NF1: variants seen among roughly 807,000 people sequenced by gnomAD.
NF1 encodes neurofibromin.
In NF1, 122 loss-of-function variants were observed where a neutral mutation model predicts 325.7. The observed-to-expected ratio is 0.37, with a 90% CI of 0.32 to 0.44. The LOEUF (loss-of-function observed/expected upper bound fraction) is 0.44. NF1 is among the 20% of genes least tolerant of loss of function. The pLI is 1.00. For missense variants in NF1, 2,140 were observed against 3,415.4 expected, an observed-to-expected ratio of 0.63 and a Z score of 9.31; for synonymous variants, 1,091 against 1,186.0, an observed-to-expected ratio of 0.92 and a Z score of 1.65.
chr17:31,356,418 C>G, intron 51 of NF1, 42 bp from the exon 52 acceptor site: 1 of 1,598,454 alleles, frequency 6.3e-7, no homozygotes, highest in Admixed American at 1.7e-5. Context: ...TTTATAGACA[C>G]TGTAGTTAAT....
intron 1 of NF1, among the ~76,000 whole-genome samples, chr17:31,114,323 G>A (rs1913700732): frequency 6.6e-6 from 1 of 152,022 alleles, no homozygotes; most frequent in Non-Finnish European, 1.5e-5. Flanking sequence ...TGGATCACGA[G>A]GTCAGGAGAT....
intron 37 of NF1, 75 bp downstream of exon 37, chr17:31,326,327 G>C (rs2069341136): frequency 3.5e-6 from 5 of 1,419,828 alleles, no homozygotes; most frequent in Non-Finnish European, 4.9e-6. Flanking sequence ...GGCCTCCCTA[G>C]GTGTCCTACC....
chr17:31,243,367 C>G (rs2067337346), intron 29 of NF1, among the ~76,000 whole-genome samples: 1 of 151,568 alleles, frequency 6.6e-6, no homozygotes, highest in Non-Finnish European at 1.5e-5. Context: ...CAGCAGGTAG[C>G]AAACCCAGCC....
At chr17:31,097,839 G>A (rs893986565) in intron 1 of NF1, among the ~76,000 whole-genome samples, 3 of 152,046 alleles carry the variant, frequency 2.0e-5, no homozygotes, top group Non-Finnish European at 4.4e-5. Context: ...TGGGATTACA[G>A]GTGTGCACCA....
At chr17:31,180,940 T>C (rs950102430) in intron 5 of NF1, among the ~76,000 whole-genome samples, 16 of 152,152 alleles carry the variant, frequency 1.1e-4, no homozygotes, top group African/African-American at 3.6e-4. Context: ...CAAGCATTCC[T>C]ATACACCAAT....
At chr17:31,128,065 C>T (rs536884863) in intron 1 of NF1, among the ~76,000 whole-genome samples, 23 of 151,958 alleles carry the variant, frequency 1.5e-4, no homozygotes, top group South Asian at 6.2e-4. Flanking sequence ...CCTCAGCCTC[C>T]CGAGTAGCTG....
chr17:31,327,917 A>C (rs1597832596), intron 38 of NF1, 78 bp downstream of exon 38: 20 of 1,318,750 alleles, frequency 1.5e-5, no homozygotes. Context: ...GAATTTTAAA[A>C]CAGCCTCTAC....
intron 36 of NF1, among the ~76,000 whole-genome samples, chr17:31,299,274 A>G (rs886555905): frequency 7.3e-5 from 9 of 123,214 alleles, no homozygotes; most frequent in Non-Finnish European, 1.4e-4. Context: ...AACTTAAAGT[A>G]TAATAAAAAT....
At chr17:31,326,523 C>G (rs1288661559) in intron 37 of NF1, among the ~76,000 whole-genome samples, 2 of 152,224 alleles carry the variant, frequency 1.3e-5, no homozygotes, top group East Asian at 3.9e-4. Context: ...TGGTGGGCAC[C>G]TGTAATCTCA....
chr17:31,130,890 T>G (rs1476796387), intron 1 of NF1, among the ~76,000 whole-genome samples: 1 of 152,120 alleles, frequency 6.6e-6, no homozygotes, highest in African/African-American at 2.4e-5. Context: ...GAGGAGGGTA[T>G]TGGCAGGCTC....
chr17:31,116,929 G>A (rs143964112), intron 1 of NF1, among the ~76,000 whole-genome samples: 382 of 150,966 alleles, frequency 2.5e-3, no homozygotes, highest in African/African-American at 8.9e-3. Flanking sequence ...CACCTTCCTC[G>A]GCCTCCCAAA....
intron 30 of NF1, chr17:31,252,582 C>A: frequency 3.9e-6 from 1 of 258,654 alleles, no homozygotes; most frequent in Non-Finnish European, 7.5e-6. Context: ...AGTGTGTGAT[C>A]TACTTGTAAT....
chr17:31,351,731 TA>T (rs2070149873), intron 50 of NF1, among the ~76,000 whole-genome samples: 1 of 152,232 alleles, frequency 6.6e-6, no homozygotes, highest in African/African-American at 2.4e-5. Context: ...AAACATATTT[TA>T]AAACATCATG....
At chr17:31,189,871 C>T (rs928861296) in intron 8 of NF1, among the ~76,000 whole-genome samples, 1 of 150,280 alleles carries the variant, frequency 6.7e-6, no homozygotes, top group Admixed American at 6.7e-5. Context: ...AAGCGATTCT[C>T]CTGCCTCAGC....
Position 31,235,660 on chromosome 17 carries a change from TC to T in NF1, c.3759del (p.Tyr1254ThrfsTer12). The T allele has an allele frequency of 6.2e-7, 1 of 1,614,190 alleles. No homozygotes were observed. The highest frequency in any genetic ancestry group is 1.3e-5 in the African/African-American group (1 of 75,050). ...ACTCTGTTTGATTCTCGGCATTTACTCTACCAACTGCTCTGGAACATGTTTT... is the reference window on the plus strand; with the variant it reads ...ACTCTGTTTGATTCTCGGCATTTACTTACCAACTGCTCTGGAACATGTTTT... ...LVTLFDSRHL[L>X]YQLLWNMFSK... On this transcript the variant is annotated frameshift_variant, in exon 28 of 58. Coordinates refer to ENST00000358273, the MANE Select transcript of NF1 (RefSeq NM_001042492.3). LOFTEE classifies it high-confidence loss of function.
chr17:31,218,630 G>A (rs1245347915), intron 13 of NF1, among the ~76,000 whole-genome samples: 1 of 151,298 alleles, frequency 6.6e-6, no homozygotes, highest in Non-Finnish European at 1.5e-5. Context: ...GGAGTGCAGC[G>A]GTGCAATCTT....
chr17:31,272,276 T>G (rs745875255), intron 36 of NF1: 2 of 152,198 alleles, frequency 1.3e-5, no homozygotes, highest in Non-Finnish European at 2.9e-5. Flanking sequence ...AGCAAAAATA[T>G]TACATAGAAA....
intron 25 of NF1, 131 bp downstream of exon 25, chr17:31,232,320 A>T: frequency 4.4e-6 from 3 of 679,922 alleles, no homozygotes; most frequent in Non-Finnish European, 7.8e-6. Context: ...ATTTTTTTAA[A>T]GAAAGTAATA....
chr17:31,224,025 T>G (rs2066971349), intron 16 of NF1, among the ~76,000 whole-genome samples: 1 of 152,188 alleles, frequency 6.6e-6, no homozygotes, highest in Non-Finnish European at 1.5e-5. Flanking sequence ...GAATCATAGC[T>G]CTGAGAAATC....
Sources: gnomAD v4.1 joint callset for allele counts (sites outside exome capture counted in the v4.1 genomes callset) on GRCh38, gnomAD v4.1.1 for gene constraint, MANE v1.5 for transcripts, NCBI Gene and HGNC (gene_info 2026-07-23, HGNC 2026-07-21) for gene names.